COL8A2: variants seen among roughly 807,000 people sequenced by gnomAD.
COL8A2 encodes the protein collagen alpha-2(VIII) chain.
A neutral mutation model predicts 24.0 loss-of-function variants in COL8A2; 16 were observed. The observed-to-expected ratio is 0.67, with a 90% CI of 0.45 to 1.01. The LOEUF is 1.01. Ranked by LOEUF, COL8A2 falls within the 50% of genes least tolerant of loss-of-function variation. COL8A2 has a pLI of 0.00. For missense variants in COL8A2, 818 were observed against 942.4 expected, an observed-to-expected ratio of 0.87 and a Z score of 1.73; for synonymous variants, 466 against 424.5, an observed-to-expected ratio of 1.10 and a Z score of -1.20.
chr1:36,118,472 C>T (rs1241609884), intron 1 of COL8A2, among the ~76,000 whole-genome samples: 3 of 152,228 alleles, frequency 2.0e-5, no homozygotes, highest in African/African-American at 7.2e-5. Context: ...CCCCCTCTGT[C>T]TTACAAATAG....
Position 36,095,943 on chromosome 1 carries a change from T to TGC in COL8A2, c.*1624_*1625dup. 6.6e-6 allele frequency: 1 copy of TGC among 152,362 alleles called. No homozygotes were observed. The highest frequency in any genetic ancestry group is 1.5e-5 in the Non-Finnish European group (1 of 68,038). 9.4% of individuals were successfully genotyped at this position (152,362 alleles called of 1,614,324 possible). A position where few individuals can be genotyped will look rare whatever the true frequency, so the allele number is the denominator to read the frequency against. On this transcript the variant is annotated 3_prime_UTR_variant, in exon 4 of 4. Transcript: ENST00000397799. ...CTTTTGAAGAAGTGAGCAAACAGCC[T>TGC]GCTTTGTTTGGAGAAGTTGTGGGCA...
At chr1:36,107,139 CATGCCTGTA>C (rs1231888615) in intron 2 of COL8A2, among the ~76,000 whole-genome samples, 1 of 152,186 alleles carries the variant, frequency 6.6e-6, no homozygotes, top group African/African-American at 2.4e-5. Context: ...TGCGGTGGCT[CATGCCTGTA>C]ATCCCAGCAC....
At chr1:36,120,930 A>AAT (rs1221859023) in intron 1 of COL8A2, among the ~76,000 whole-genome samples, 5 of 150,970 alleles carry the variant, frequency 3.3e-5, no homozygotes, top group Non-Finnish European at 7.4e-5. Flanking sequence ...CTCTACTAAA[A>AAT]ATACAAAAAT....
chr1:36,105,950 T>TA (rs3075652), intron 2 of COL8A2, among the ~76,000 whole-genome samples: 26 of 128,122 alleles, frequency 2.0e-4, no homozygotes, highest in South Asian at 1.6e-3. Flanking sequence ...CTGTCTCACT[T>TA]AAAAAAAAAA....
At chr1:36,122,756 C>T (rs1643923833) in intron 1 of COL8A2, among the ~76,000 whole-genome samples, 1 of 152,180 alleles carries the variant, frequency 6.6e-6, no homozygotes, top group Admixed American at 6.5e-5. Flanking sequence ...CCCCTTCATC[C>T]TTGTTCCCCA....
chr1:36,101,396 T>C (rs1643677885), intron 2 of COL8A2, among the ~76,000 whole-genome samples: 1 of 152,242 alleles, frequency 6.6e-6, no homozygotes, highest in Non-Finnish European at 1.5e-5. Context: ...TCTACTCATC[T>C]TTTATGGCCC....
rs762026636 is a variant in COL8A2 at position 36,097,558 on chromosome 1, C to T, written c.*11G>A. On this transcript the variant is annotated 3_prime_UTR_variant, in exon 4 of 4. Transcript: ENST00000397799. ...GGGAGGAGGCCAGGGCAGCAGGACC[C>T]CCCCCGCGGGTTATGTGGGGCAGAG... is the stretch of plus-strand genomic sequence containing the variant. 1 of 1,581,492 alleles carries T rather than the reference C, an allele frequency of 6.3e-7. No individual in the cohort carries two copies. The highest frequency in any genetic ancestry group is 2.2e-5 in the East Asian group (1 of 44,550).
chr1:36,097,647 C>A lies in COL8A2; in HGVS notation c.2034G>T (p.Pro678=), dbSNP rs767141059. 1 of 1,613,608 alleles carries A rather than the reference C, an allele frequency of 6.2e-7. No individual in the cohort carries two copies. Among genetic ancestry groups the A allele is most frequent in the Admixed American group, 1.7e-5 (1 of 60,026 alleles). ...AGTAGAGGCCGTTGGCCTGGTCCGACGGCATCTGCACCCAGACCTGGTCGT... is the reference window on the plus strand; with the variant it reads ...AGTAGAGGCCGTTGGCCTGGTCCGAAGGCATCTGCACCCAGACCTGGTCGT... ...RPNDQVWVQM[P]SDQANGLYST... The change falls in exon 4 of 4, where the codon CCG becomes CCT. Residue 678 remains proline, a synonymous_variant. Coordinates refer to ENST00000397799, the MANE Select transcript of COL8A2 (RefSeq NM_005202.4).
At position 36,097,480 on chromosome 1, in the gene COL8A2, T is replaced by G; in HGVS notation, c.*89A>C. ...CACGGCCGCCTCTGTTCAGCTTTTG[T>G]TTTTTTTTCCAGGAGGTTCTTTGTA... On this transcript the variant is annotated 3_prime_UTR_variant, in exon 4 of 4. Coordinates refer to ENST00000397799, the MANE Select transcript of COL8A2 (RefSeq NM_005202.4). The G allele has an allele frequency of 8.9e-7, 1 of 1,127,528 alleles. No individual in the cohort carries two copies. Among genetic ancestry groups the G allele is most frequent in the African/African-American group, 1.6e-5 (1 of 63,942 alleles). The allele number at this position is 1,127,528 out of a possible 1,614,324, so 69.8% of individuals were successfully genotyped here.
Position 36,099,012 on chromosome 1 carries a change from A to AT in COL8A2, c.668_669insA (p.Ala224CysfsTer30), listed in dbSNP as rs1643627590. The AT allele has an allele frequency of 6.4e-7, 1 of 1,552,258 alleles. No homozygotes were observed. The highest frequency in any genetic ancestry group is 8.7e-7 in the Non-Finnish European group (1 of 1,145,924). On this transcript the variant is annotated frameshift_variant, in exon 4 of 4. Transcript: ENST00000397799. LOFTEE classifies it low-confidence loss of function (END_TRUNC). ...CAGGGAGGCCGGGGGGGCCGGGGGC[A>AT]CCCCCCTGCCCTGGGGCCCCAGGCA...
chr1:36,099,537 G>T, intron 3 of COL8A2, 50 bp from the exon 4 acceptor site: 2 of 1,367,566 alleles, frequency 1.5e-6, no homozygotes, highest in Non-Finnish European at 2.0e-6. Flanking sequence ...TGTGGGGACA[G>T]GGGACCCCAT....
chr1:36,099,580 C>T (rs1324581874), intron 3 of COL8A2, 93 bp from the exon 4 acceptor site: 15 of 957,828 alleles, frequency 1.6e-5, no homozygotes, highest in Middle Eastern at 2.8e-4. Context: ...ATGAGGTACA[C>T]GGGAGAGGAA....
rs1215859259 is a variant in COL8A2 at position 36,123,314 on chromosome 1, T to TG, written c.-62+1742dup. Among the ~76,000 whole-genome samples, 8 of 152,236 alleles carry TG rather than the reference T, an allele frequency of 5.3e-5. No homozygotes were observed. Among genetic ancestry groups the TG allele is most frequent in the African/African-American group, 1.9e-4 (8 of 41,472 alleles). The stretch of plus-strand genomic sequence containing the variant: ...TGGGGGGCCAGCAGGGCAAGGAAGC[T>TG]GGGGCTGTGCGTCCTTTGTTCCGGC... On this transcript the variant is annotated intron_variant, in intron 1 of 3. Coordinates refer to ENST00000397799, the MANE Select transcript of COL8A2 (RefSeq NM_005202.4). The surrounding 1 kb of genome is among the most constrained non-coding windows in gnomAD (Gnocchi z 4.1).
intron 2 of COL8A2, among the ~76,000 whole-genome samples, chr1:36,110,499 TTCTCACCCAAGCTGGAGTGCAGTGA>T (rs376819303): frequency 0.043 from 6,502 of 151,982 alleles, 458 homozygotes; most frequent in African/African-American, 0.15. Context: ...GAGTCTCACT[TTCTCACCCAAGCTGGAGTGCAGTGA>T]TCTCACCCAA....
chr1:36,100,955 G>A (rs796561265), intron 2 of COL8A2, among the ~76,000 whole-genome samples: 3 of 123,260 alleles, frequency 2.4e-5, no homozygotes, highest in East Asian at 2.8e-4. Context: ...GTGCAATGGC[G>A]CCATCCTGGC....
At chr1:36,118,089 T>C (rs868156796) in intron 1 of COL8A2, among the ~76,000 whole-genome samples, 1 of 152,176 alleles carries the variant, frequency 6.6e-6, no homozygotes, top group South Asian at 2.1e-4. Flanking sequence ...CCCAAGTTCA[T>C]TGTATGCACT....
intron 3 of COL8A2, 60 bp downstream of exon 3, chr1:36,099,990 A>G (rs1392289008): frequency 7.3e-6 from 11 of 1,510,562 alleles, no homozygotes; most frequent in Non-Finnish European, 9.2e-6. Flanking sequence ...GCTCTCAGGG[A>G]GGCAGGGGAT....
At chr1:36,107,994 A>C (rs1304494842) in intron 2 of COL8A2, among the ~76,000 whole-genome samples, 2 of 151,272 alleles carry the variant, frequency 1.3e-5, no homozygotes, top group African/African-American at 2.4e-5. Flanking sequence ...ACGCTCCCCC[A>C]CTCTGCCCTG....
At chr1:36,119,507 C>A (rs1643895259) in intron 1 of COL8A2, among the ~76,000 whole-genome samples, 1 of 152,232 alleles carries the variant, frequency 6.6e-6, no homozygotes, top group South Asian at 2.1e-4. Flanking sequence ...GCCTGACCCC[C>A]AGGGGTTCCA....
Sources: allele counts gnomAD v4.1 joint callset (sites outside exome capture counted in the v4.1 genomes callset), GRCh38; gene constraint gnomAD v4.1.1; non-coding constraint Gnocchi (gnomAD v3.1); transcripts MANE v1.5; gene names NCBI Gene and HGNC (gene_info 2026-07-23, HGNC 2026-07-21).